SH3GLB1: variants seen among roughly 807,000 people sequenced by gnomAD.
The protein encoded by SH3GLB1 is endophilin-B1.
A neutral mutation model predicts 42.0 loss-of-function variants in SH3GLB1; 17 were observed. The ratio of observed to expected loss-of-function variants is 0.40; its 90% confidence interval spans 0.28 to 0.61. SH3GLB1 has a LOEUF of 0.61. SH3GLB1 is among the 20% of genes least tolerant of loss of function. SH3GLB1 has a pLI of 0.36. For synonymous variants in SH3GLB1, 132 were observed against 146.6 expected (o/e 0.90, Z 0.72); for missense variants, 355 against 426.3 (o/e 0.83, Z 1.47).
intron 6 of SH3GLB1, among the ~76,000 whole-genome samples, 179 bp from the exon 7 acceptor site, chr1:86,734,900 A>G (rs1208215550): frequency 6.6e-6 from 1 of 152,158 alleles, no homozygotes; most frequent in African/African-American, 2.4e-5. Flanking sequence ...GTTGTTGTTT[A>G]TTGGCTAAGC....
At chr1:86,715,525 A>C (rs1212875094) in intron 1 of SH3GLB1, among the ~76,000 whole-genome samples, 199 bp from the exon 2 acceptor site, 1 of 152,218 alleles carries the variant, frequency 6.6e-6, no homozygotes, top group African/African-American at 2.4e-5. Flanking sequence ...ACTGTAAGGT[A>C]GGGTCATCCA....
Position 86,722,571 on chromosome 1 carries a change from A to G in SH3GLB1, c.375A>G (p.Gln125=), listed in dbSNP as rs764308095. 6.2e-7 allele frequency: 1 copy of G among 1,602,236 alleles called. No individual in the cohort carries two copies. Among genetic ancestry groups the G allele is most frequent in the Admixed American group, 1.7e-5 (1 of 57,890 alleles). Residue 125 remains glutamine, a synonymous_variant, in exon 4 of 9, where the codon CAA becomes CAG. Coordinates refer to ENST00000370558, the MANE Select transcript of SH3GLB1 (RefSeq NM_016009.5). ...CCCTTATTAAATGTGGAGAAACCCA[A>G]AAAAGAATTGGAACAGCAGACAGAG... ...GNALIKCGET[Q]KRIGTADREL...
At chr1:86,715,689 A>C in intron 1 of SH3GLB1, 35 bp from the exon 2 acceptor site, 2 of 1,558,414 alleles carry the variant, frequency 1.3e-6, no homozygotes, top group Non-Finnish European at 1.7e-6. Flanking sequence ...ATTTATTTGC[A>C]GTATATTTAA....
At chr1:86,721,004 G>A (rs1654831141) in intron 3 of SH3GLB1, among the ~76,000 whole-genome samples, 1 of 152,164 alleles carries the variant, frequency 6.6e-6, no homozygotes, top group Admixed American at 6.5e-5. Context: ...AGCTCAGTTA[G>A]ATGCTGGGAT....
At position 86,734,644 on chromosome 1, in the gene SH3GLB1, C is replaced by A; in HGVS notation, c.613C>A (p.Gln205Lys). 6.2e-7 allele frequency: 1 copy of A among 1,613,244 alleles called. No homozygotes were observed. The highest frequency in any genetic ancestry group is 1.1e-5 in the South Asian group (1 of 91,030). ...LRITQSEFDR[Q>K]AEITRLLLEG... Reference sequence around the variant, plus strand: ...AATAACTCAAAGTGAATTTGATCGTCAAGCAGAGATTACCAGACTTCTGCT... The same window carrying A: ...AATAACTCAAAGTGAATTTGATCGTAAAGCAGAGATTACCAGACTTCTGCT... The change falls in exon 6 of 9, where the codon CAA (glutamine) becomes AAA (lysine). Residue 205 changes from glutamine to lysine, a missense_variant. Physicochemically the swap from Gln to Lys is moderately conservative, Grantham distance 53. Coordinates refer to ENST00000370558, the MANE Select transcript of SH3GLB1 (RefSeq NM_016009.5).
chr1:86,724,531 A>G (rs1170529335), intron 5 of SH3GLB1, 126 bp downstream of exon 5: 6 of 743,024 alleles, frequency 8.1e-6, no homozygotes, highest in South Asian at 1.9e-5. Flanking sequence ...AAACAAATTT[A>G]TCAGAACTTA....
intron 4 of SH3GLB1, 42 bp from the exon 5 acceptor site, chr1:86,724,271 T>G (rs780554138): frequency 2.9e-6 from 4 of 1,379,114 alleles, no homozygotes; most frequent in Non-Finnish European, 4.0e-6. Flanking sequence ...TAACAGAATT[T>G]TAGCATCTTT....
chr1:86,712,121 A>G (rs1428156595), intron 1 of SH3GLB1, among the ~76,000 whole-genome samples: 2 of 152,168 alleles, frequency 1.3e-5, no homozygotes, highest in Non-Finnish European at 2.9e-5. Flanking sequence ...AAGTAATAAG[A>G]TTTAAATTTA....
rs1656048191 is a variant in SH3GLB1, at chr1:86,741,257, T to TA, written c.762-950dup. Among the ~76,000 whole-genome samples the TA allele has an allele frequency of 2.0e-5, 3 of 152,130 alleles. No individual in the cohort carries two copies. The South Asian group carries it at 6.2e-4, about 32-fold the overall frequency. ...GATGACTGAAATGATTTCCAGATGG[T>TA]ATAGTGCTCGTGAAGAGAAAAGAGG... On this transcript the variant is annotated intron_variant, in intron 7 of 8. Coordinates refer to ENST00000370558, the MANE Select transcript of SH3GLB1 (RefSeq NM_016009.5).
In SH3GLB1 at chr1:86,745,129, G is replaced by A. The variant is rs1478576473; in HGVS notation, c.*1894G>A. On this transcript the variant is annotated 3_prime_UTR_variant, in exon 9 of 9. Transcript: ENST00000370558. ...GTAGTAATACAGGGGAAAGAATATC[G>A]GTAATGGAGTGAAATGGTCCTGGGT... 2 of 152,138 alleles carry A rather than the reference G, an allele frequency of 1.3e-5. No homozygotes were observed. The highest frequency in any genetic ancestry group is 2.9e-5 in the Non-Finnish European group (2 of 68,018). 9.4% of individuals were successfully genotyped at this position (152,138 alleles called of 1,614,324 possible).
chr1:86,723,249 C>T (rs1451197912), intron 4 of SH3GLB1, among the ~76,000 whole-genome samples: 3 of 152,126 alleles, frequency 2.0e-5, no homozygotes, highest in African/African-American at 7.2e-5. Flanking sequence ...TGATGGCTAA[C>T]GCCTGTAATC....
chr1:86,714,446 A>C (rs1654395130), intron 1 of SH3GLB1, among the ~76,000 whole-genome samples: 1 of 152,218 alleles, frequency 6.6e-6, no homozygotes, highest in Non-Finnish European at 1.5e-5. Context: ...GGCTGGCTAT[A>C]GACCATTCTC....
chr1:86,724,921 T>C (rs1245769326), intron 5 of SH3GLB1, among the ~76,000 whole-genome samples: 1 of 127,762 alleles, frequency 7.8e-6, no homozygotes, highest in Non-Finnish European at 1.6e-5. Context: ...ATAAAATATA[T>C]AATATATATG....
In SH3GLB1 at chr1:86,743,369, T is replaced by A; in HGVS notation, c.*134T>A. Reference sequence around the variant, plus strand: ...AATACCAGCCATCAGAAACTGGCCTTTCTGCCAATAAAGTTGCATGGTAAA... The same window carrying A: ...AATACCAGCCATCAGAAACTGGCCTATCTGCCAATAAAGTTGCATGGTAAA... On this transcript the variant is annotated 3_prime_UTR_variant, in exon 9 of 9. Coordinates refer to ENST00000370558, the MANE Select transcript of SH3GLB1 (RefSeq NM_016009.5). The A allele has an allele frequency of 2.2e-6, 1 of 462,518 alleles. No homozygotes were observed. Among genetic ancestry groups the A allele is most frequent in the Non-Finnish European group, 3.8e-6 (1 of 266,026 alleles). 28.7% of individuals were successfully genotyped at this position (462,518 alleles called of 1,614,324 possible).
intron 7 of SH3GLB1, among the ~76,000 whole-genome samples, chr1:86,741,510 TAAAAAATAGCAC>T (rs1190211146): frequency 6.6e-6 from 1 of 152,184 alleles, no homozygotes; most frequent in African/African-American, 2.4e-5. Context: ...AAAATTTTTC[TAAAAAATAGCAC>T]AAATGAACTT....
Position 86,719,420 on chromosome 1 carries a change from A to T in SH3GLB1, c.215-87A>T, listed in dbSNP as rs535508869. On this transcript the variant is annotated intron_variant, in intron 2 of 8. Coordinates refer to ENST00000370558, the MANE Select transcript of SH3GLB1 (RefSeq NM_016009.5). ...GAATGAATGCTAACTTTAGGAGATG[A>T]TAAATGGCTGCTGATGGGGGAAAAA... The T allele has an allele frequency of 2.6e-4, 317 of 1,202,342 alleles. No individual in the cohort carries two copies. The African/African-American group carries it at 4.4e-3, about 17-fold the overall frequency. 74.5% of individuals were successfully genotyped at this position (1,202,342 alleles called of 1,614,324 possible). A position where few individuals can be genotyped will look rare whatever the true frequency, so the allele number is the denominator to read the frequency against.
At chr1:86,740,850 T>C (rs542847571) in intron 7 of SH3GLB1, among the ~76,000 whole-genome samples, 74 of 152,214 alleles carry the variant, frequency 4.9e-4, no homozygotes, top group Non-Finnish European at 7.9e-4. Context: ...TAAAATCTTC[T>C]AGAAATGAAA....
In SH3GLB1 at chr1:86,722,794, G is replaced by C. The variant is rs1654940644; in HGVS notation, c.477+121G>C. On this transcript the variant is annotated intron_variant, in intron 4 of 8. Coordinates refer to ENST00000370558, the MANE Select transcript of SH3GLB1 (RefSeq NM_016009.5). ...GTGGATTACAAAATTAAATAATCTA[G>C]GTCAGTGCATGTTCACCAGAACACA... is the stretch of plus-strand genomic sequence containing the variant. 6.5e-6 allele frequency: 5 copies of C among 764,082 alleles called. No individual in the cohort carries two copies. The East Asian group carries it at 1.2e-4, about 18-fold the overall frequency. The allele number at this position is 764,082 out of a possible 1,614,324, so 47.3% of individuals were successfully genotyped here. A position where few individuals can be genotyped will look rare whatever the true frequency, so the allele number is the denominator to read the frequency against.
intron 5 of SH3GLB1, among the ~76,000 whole-genome samples, chr1:86,727,011 T>A (rs182566617): frequency 4.3e-4 from 65 of 152,138 alleles, no homozygotes; most frequent in South Asian, 6.2e-4. Context: ...GTTTGGGATC[T>A]ATCCATATTG....
Sources: allele counts gnomAD v4.1 joint callset (sites outside exome capture counted in the v4.1 genomes callset), GRCh38; gene constraint gnomAD v4.1.1; transcripts MANE v1.5; gene names NCBI Gene and HGNC (gene_info 2026-07-23, HGNC 2026-07-21).